RIMS1: variants seen among roughly 807,000 people sequenced by gnomAD.
RIMS1 encodes regulating synaptic membrane exocytosis protein 1.
RIMS1 carries 83 observed loss-of-function variants against 214.1 expected under a neutral mutation model. That is an observed-to-expected ratio of 0.39 (90% CI 0.32 to 0.47). The LOEUF is 0.47. RIMS1 is among the 20% of genes least tolerant of loss of function. RIMS1 has a pLI of 0.99. For synonymous variants in RIMS1, 793 were observed against 786.8 expected, an observed-to-expected ratio of 1.01 and a Z score of -0.13; for missense variants, 2,050 against 2,161.8, an observed-to-expected ratio of 0.95 and a Z score of 1.03.
At chr6:71,920,057 T>G (rs1486953418) in intron 1 of RIMS1, among the ~76,000 whole-genome samples, 1 of 152,224 alleles carries the variant, frequency 6.6e-6, no homozygotes, top group Non-Finnish European at 1.5e-5. Context: ...TGTACAACTG[T>G]CTGGGGCCAG....
intron 4 of RIMS1, among the ~76,000 whole-genome samples, chr6:72,152,773 TATATATGTATATATATGGA>T (rs2043819588): frequency 1.6e-5 from 2 of 123,118 alleles, no homozygotes; most frequent in African/African-American, 6.4e-5. Context: ...AATATATGTA[TATATATGTATATATATGGA>T]ATATATGTAT....
chr6:72,278,154 TCTATC>T (rs1341893896), intron 23 of RIMS1, among the ~76,000 whole-genome samples: 4 of 55,126 alleles, frequency 7.3e-5, no homozygotes, highest in African/African-American at 3.7e-4. Context: ...TGGTTTTTAA[TCTATC>T]TATCTATCTA....
intron 29 of RIMS1, among the ~76,000 whole-genome samples, chr6:72,361,055 T>C (rs909669406): frequency 6.7e-6 from 1 of 148,672 alleles, no homozygotes; most frequent in Admixed American, 6.7e-5. Context: ...TGTAAAGTGA[T>C]AACTTTTTGA....
chr6:72,034,011 G>A (rs6926634), intron 2 of RIMS1, among the ~76,000 whole-genome samples: 20,012 of 152,106 alleles, frequency 0.13, 1,379 homozygotes, highest in South Asian at 0.18. Context: ...GATGTCTACA[G>A]AATGAGGAAA....
rs573863208 is a variant in RIMS1, at chr6:72,158,870, G to C, written c.472-20705G>C. ...GTGAATGGTGTGGCAATAAACATAT[G>C]TGTGCATGTGTCTTTATAGCAGCAT... On this transcript the variant is annotated intron_variant, in intron 4 of 33. Transcript: ENST00000521978. Among the ~76,000 whole-genome samples the C allele has an allele frequency of 2.0e-4, 28 of 140,482 alleles. 7 individuals carry two copies. The South Asian group carries it at 3.6e-3, about 18-fold the overall frequency. 92.2% of individuals were successfully genotyped at this position (140,482 alleles called of 152,430 possible). A position where few individuals can be genotyped will look rare whatever the true frequency, so the allele number is the denominator to read the frequency against.
intron 28 of RIMS1, among the ~76,000 whole-genome samples, chr6:72,324,846 A>G (rs563902283): frequency 1.3e-5 from 2 of 152,002 alleles, no homozygotes; most frequent in African/African-American, 4.8e-5. Flanking sequence ...AGTGGTTGCA[A>G]CAGAGTCGAG....
In RIMS1 at chr6:72,400,192, G is replaced by T. The variant is rs117373653; in HGVS notation, c.4861-304G>T. On this transcript the variant is annotated intron_variant, in intron 33 of 33. Coordinates refer to ENST00000521978, the MANE Select transcript of RIMS1 (RefSeq NM_014989.7). ...ATAGTAGTTACACAAGAAAGGTGTT[G>T]CATTCATATAAAAATACTCTTATGT... Among the ~76,000 whole-genome samples, 55 of 152,176 alleles carry T rather than the reference G, an allele frequency of 3.6e-4. No individual in the cohort carries two copies. In the East Asian group the frequency reaches 0.01, roughly 28 times the overall value.
chr6:72,304,025 G>T lies in RIMS1; in HGVS notation c.3851-3233G>T, dbSNP rs547519095. Among the ~76,000 whole-genome samples, 12 of 151,408 alleles carry T rather than the reference G, an allele frequency of 7.9e-5. 1 individual carries two copies. In the South Asian group the frequency reaches 2.5e-3, roughly 32 times the overall value. On this transcript the variant is annotated intron_variant, in intron 26 of 33. Transcript: ENST00000521978. ...CTAAATTTTCATTAAAAGACTAAAT[G>T]AAATTGCATGATAATTACATTTCTT... is the stretch of plus-strand genomic sequence containing the variant.
intron 6 of RIMS1, among the ~76,000 whole-genome samples, chr6:72,187,557 A>G (rs1474161987): frequency 6.9e-6 from 1 of 144,942 alleles, no homozygotes; most frequent in Non-Finnish European, 1.5e-5. Flanking sequence ...GCTCACTGCA[A>G]CCTCTGCCTC....
intron 19 of RIMS1, chr6:72,262,333 G>A (rs1032263963): frequency 2.9e-5 from 28 of 964,918 alleles, no homozygotes; most frequent in Admixed American, 6.2e-5. Context: ...TCTGTATGTT[G>A]ACTTTGCATT....
chr6:72,306,323 G>A (rs1416800306), intron 26 of RIMS1, among the ~76,000 whole-genome samples: 2 of 151,974 alleles, frequency 1.3e-5, no homozygotes, highest in Non-Finnish European at 2.9e-5. Flanking sequence ...AGTTGTCTGG[G>A]AAGTTGGCAA....
At chr6:72,264,301 A>G (rs2079409066) in intron 19 of RIMS1, among the ~76,000 whole-genome samples, 1 of 152,214 alleles carries the variant, frequency 6.6e-6, no homozygotes, top group African/African-American at 2.4e-5. Flanking sequence ...CAGATTTTAA[A>G]GGAATCAGAT....
chr6:72,096,682 A>G (rs544381020), intron 2 of RIMS1, among the ~76,000 whole-genome samples: 1 of 152,336 alleles, frequency 6.6e-6, no homozygotes, highest in Non-Finnish European at 1.5e-5. Context: ...ATAGATACTC[A>G]AATTTCATTG....
chr6:72,202,887 A>T (rs1000718581), intron 6 of RIMS1, among the ~76,000 whole-genome samples: 2 of 152,210 alleles, frequency 1.3e-5, no homozygotes, highest in Non-Finnish European at 2.9e-5. Flanking sequence ...AATTGCACAT[A>T]CCGCATGGAG....
At chr6:72,019,371 T>C (rs543376005) in intron 2 of RIMS1, among the ~76,000 whole-genome samples, 1 of 152,328 alleles carries the variant, frequency 6.6e-6, no homozygotes, top group Non-Finnish European at 1.5e-5. Flanking sequence ...CTGTGTTCAC[T>C]TGCCAGTGCT....
chr6:72,185,849 C>T (rs1182486526), intron 6 of RIMS1, among the ~76,000 whole-genome samples: 2 of 152,232 alleles, frequency 1.3e-5, no homozygotes, highest in African/African-American at 4.8e-5. Flanking sequence ...TCTTTTGCCT[C>T]TGACATCCAG....
At chr6:72,287,917 T>C (rs1412844803) in intron 24 of RIMS1, among the ~76,000 whole-genome samples, 2 of 152,176 alleles carry the variant, frequency 1.3e-5, no homozygotes, top group African/African-American at 2.4e-5. Context: ...GCTGTAAATA[T>C]ACATAATAGA....
intron 2 of RIMS1, among the ~76,000 whole-genome samples, chr6:72,079,608 G>A (rs1406948790): frequency 6.6e-6 from 1 of 152,156 alleles, no homozygotes; most frequent in Non-Finnish European, 1.5e-5. Flanking sequence ...ATACAGCTGG[G>A]TGAGGTGGCT....
At chr6:71,968,472 A>T in intron 1 of RIMS1, among the ~76,000 whole-genome samples, 1 of 152,090 alleles carries the variant, frequency 6.6e-6, no homozygotes, top group East Asian at 1.9e-4. Context: ...CCCTCCTAGC[A>T]TGAGGAAATT....
Sources: gnomAD v4.1 joint callset for allele counts (sites outside exome capture counted in the v4.1 genomes callset) on GRCh38, gnomAD v4.1.1 for gene constraint, MANE v1.5 for transcripts, NCBI Gene and HGNC (gene_info 2026-07-23, HGNC 2026-07-21) for gene names.